CADM2: variants seen among roughly 807,000 people sequenced by gnomAD.
CADM2 encodes the protein immunoglobulin superfamily member 4D.
A neutral mutation model predicts 49.8 loss-of-function variants in CADM2; 12 were observed. The observed-to-expected ratio is 0.24, with a 90% CI of 0.15 to 0.39. CADM2 has a LOEUF of 0.39. CADM2 is among the 10% of genes least tolerant of loss of function. CADM2 has a pLI of 1.00. For synonymous variants in CADM2, 214 were observed against 175.4 expected (o/e 1.22, Z -1.74); for missense variants, 378 against 492.3 (o/e 0.77, Z 2.20).
chr3:85,591,826 T>C (rs2063117197), intron 1 of CADM2, among the ~76,000 whole-genome samples: 1 of 152,078 alleles, frequency 6.6e-6, no homozygotes, highest in Admixed American at 6.6e-5. Flanking sequence ...CAGTGAATTC[T>C]ATATAGAGAA....
At chr3:85,189,131 G>C (rs1200843741) in intron 1 of CADM2, among the ~76,000 whole-genome samples, 3 of 151,462 alleles carry the variant, frequency 2.0e-5, no homozygotes, top group African/African-American at 4.8e-5. Flanking sequence ...TGCATCTGTT[G>C]ATACAGAAAG....
chr3:85,143,903 T>C (rs1381024152), intron 1 of CADM2, among the ~76,000 whole-genome samples: 13 of 152,136 alleles, frequency 8.5e-5, no homozygotes, highest in Non-Finnish European at 1.8e-4. Flanking sequence ...CCAAAGTCCT[T>C]TGAGTGGTCC....
intron 1 of CADM2, among the ~76,000 whole-genome samples, chr3:85,270,560 C>A (rs975944671): frequency 6.6e-6 from 1 of 151,220 alleles, no homozygotes; most frequent in East Asian, 2.0e-4. Flanking sequence ...CTATCTTGCC[C>A]TGTGTTCCAT....
chr3:86,006,318 C>T (rs952423205), intron 8 of CADM2, among the ~76,000 whole-genome samples: 2 of 152,144 alleles, frequency 1.3e-5, no homozygotes, highest in African/African-American at 2.4e-5. Flanking sequence ...AGAAAGGTGT[C>T]ATCCTTGATG....
chr3:85,962,183 T>A (rs1183409955), intron 8 of CADM2, among the ~76,000 whole-genome samples: 1 of 151,962 alleles, frequency 6.6e-6, no homozygotes, highest in East Asian at 2.0e-4. Context: ...CTTCCCAAAA[T>A]GCTGGAATTA....
chr3:86,038,152 A>T (rs1201263063), intron 8 of CADM2, among the ~76,000 whole-genome samples: 1 of 152,102 alleles, frequency 6.6e-6, no homozygotes, highest in African/African-American at 2.4e-5. Context: ...CCTCTTGTTG[A>T]TACAAAAAAA....
At chr3:85,107,267 A>G (rs936536507) in intron 1 of CADM2, among the ~76,000 whole-genome samples, 2 of 152,204 alleles carry the variant, frequency 1.3e-5, no homozygotes, top group Non-Finnish European at 2.9e-5. Flanking sequence ...CAGAATATAT[A>G]TGGATATTTC....
chr3:85,750,575 A>G (rs1032363991), intron 2 of CADM2, among the ~76,000 whole-genome samples: 16 of 152,170 alleles, frequency 1.1e-4, no homozygotes, highest in African/African-American at 3.9e-4. Flanking sequence ...TTTATAATAC[A>G]TACAAAAATA....
intron 1 of CADM2, among the ~76,000 whole-genome samples, chr3:84,985,237 T>C (rs1361686115): frequency 2.0e-5 from 3 of 152,164 alleles, no homozygotes; most frequent in Non-Finnish European, 4.4e-5. Context: ...TTTGTAACCT[T>C]ATGAACTATA....
intron 3 of CADM2, among the ~76,000 whole-genome samples, chr3:85,802,639 T>A (rs2108079034): frequency 6.6e-6 from 1 of 152,242 alleles, no homozygotes; most frequent in Middle Eastern, 3.4e-3. Flanking sequence ...CTAAGAATTG[T>A]AAAAATGATT....
intron 1 of CADM2, among the ~76,000 whole-genome samples, chr3:85,723,919 T>G (rs7648093): frequency 0.42 from 63,414 of 151,688 alleles, 13,330 homozygotes; most frequent in South Asian, 0.49. Context: ...AGCAAATTTG[T>G]TCTTCAAATG....
At chr3:85,757,775 T>A (rs1403471690) in intron 2 of CADM2, among the ~76,000 whole-genome samples, 1 of 152,036 alleles carries the variant, frequency 6.6e-6, no homozygotes, top group African/African-American at 2.4e-5. Flanking sequence ...TGAGAGATGA[T>A]TGAGATACTA....
At chr3:85,827,847 A>G (rs915510301) in intron 3 of CADM2, among the ~76,000 whole-genome samples, 1 of 151,986 alleles carries the variant, frequency 6.6e-6, no homozygotes, top group African/African-American at 2.4e-5. Flanking sequence ...CTGTTCCACG[A>G]TGTCATTCAT....
Position 85,912,498 on chromosome 3 carries a change from C to T in CADM2, c.655C>T (p.Leu219Phe). The T allele has an allele frequency of 6.2e-7, 1 of 1,613,938 alleles. No homozygotes were observed. Residue 219 changes from leucine to phenylalanine, a missense_variant, in exon 6 of 10, where the codon CTC (leucine) becomes TTC (phenylalanine). Leu to Phe is a conservative substitution (Grantham distance 22). Coordinates refer to ENST00000383699, the MANE Select transcript of CADM2 (RefSeq NM_001167675.2). ...AVICRVDHESLNATPQVAMQV... is the reference protein window; with the variant it reads ...AVICRVDHESFNATPQVAMQV... ...CATCTGCAGAGTAGATCACGAATCC[C>T]TCAATGCCACCCCTCAGGTAGCCAT...
chr3:85,091,358 G>A (rs2037590673), intron 1 of CADM2, among the ~76,000 whole-genome samples: 1 of 152,020 alleles, frequency 6.6e-6, no homozygotes, highest in African/African-American at 2.4e-5. Flanking sequence ...CATAGCTGTA[G>A]TTTGGATTAC....
In CADM2 at chr3:85,961,814, A is replaced by T. The variant is rs1374397986; in HGVS notation, c.970+167A>T. Among the ~76,000 whole-genome samples the T allele has an allele frequency of 2.6e-5, 4 of 152,094 alleles. No individual in the cohort carries two copies. The East Asian group carries it at 7.8e-4, about 30-fold the overall frequency. On this transcript the variant is annotated intron_variant, in intron 8 of 9. Transcript: ENST00000383699. ...GAGATATTATATTTAATATTAATAT[A>T]TTCCCAGTCAGACTGATAAAATTGT...
chr3:85,063,256 G>A (rs2036402776), intron 1 of CADM2, among the ~76,000 whole-genome samples: 1 of 151,852 alleles, frequency 6.6e-6, no homozygotes, highest in Non-Finnish European at 1.5e-5. Flanking sequence ...TGATGGAAAT[G>A]TAATTAAATG....
At chr3:85,366,764 A>T (rs979827677) in intron 1 of CADM2, among the ~76,000 whole-genome samples, 1 of 152,148 alleles carries the variant, frequency 6.6e-6, no homozygotes, top group African/African-American at 2.4e-5. Flanking sequence ...AATGAATGAC[A>T]TATAATTTTT....
intron 1 of CADM2, among the ~76,000 whole-genome samples, chr3:85,410,535 T>C (rs986083466): frequency 6.6e-6 from 1 of 152,160 alleles, no homozygotes; most frequent in African/African-American, 2.4e-5. Context: ...TTTTCTACTG[T>C]AATTGTGGAT....
Sources: gnomAD v4.1 joint callset for allele counts (sites outside exome capture counted in the v4.1 genomes callset) on GRCh38, gnomAD v4.1.1 for gene constraint, MANE v1.5 for transcripts, NCBI Gene and HGNC (gene_info 2026-07-23, HGNC 2026-07-21) for gene names.